The following DGKI variants were observed in gnomAD, a reference collection of about 807,000 sequenced individuals.
DGKI encodes DAG kinase iota.
DGKI carries 55 observed loss-of-function variants against 147.5 expected under a neutral mutation model. The observed-to-expected ratio is 0.37, with a 90% CI of 0.30 to 0.47. DGKI has a LOEUF of 0.47. Among genes scored for constraint, DGKI ranks in the 20% least tolerant of loss-of-function variants. DGKI has a pLI of 1.00. For missense variants in DGKI, 1,007 were observed against 1,323.8 expected (o/e 0.76, Z 3.71); for synonymous variants, 469 against 477.1 (o/e 0.98, Z 0.22).
chr7:137,645,837 T>C (rs1175632416), intron 5 of DGKI, among the ~76,000 whole-genome samples: 2 of 152,222 alleles, frequency 1.3e-5, no homozygotes, highest in Non-Finnish European at 2.9e-5. Context: ...AAACAAATAT[T>C]TATGGGTATG....
At chr7:137,640,693 C>T (rs1448028520) in intron 6 of DGKI, among the ~76,000 whole-genome samples, 1 of 152,110 alleles carries the variant, frequency 6.6e-6, no homozygotes, top group Admixed American at 6.5e-5. Context: ...ACTCTGTAAT[C>T]CCTTTCACTA....
At chr7:137,414,087 G>A (rs1812265641) in intron 28 of DGKI, among the ~76,000 whole-genome samples, 1 of 152,176 alleles carries the variant, frequency 6.6e-6, no homozygotes, top group Non-Finnish European at 1.5e-5. Flanking sequence ...CAAAAGTGCT[G>A]TATCATGCAT....
At position 137,784,566 on chromosome 7, in the gene DGKI, C is replaced by T. The variant is rs149421189; in HGVS notation, c.401+61896G>A. ...CCACTGACAGCACTAGACAGGTCAT[C>T]AAGATCGAAAATGAACAAAGAAACA... On this transcript the variant is annotated intron_variant, in intron 1 of 32. Coordinates refer to ENST00000614521, the MANE Select transcript of DGKI (RefSeq NM_001321708.2). 5.6e-3 allele frequency among the ~76,000 whole-genome samples: 850 copies of T among 152,190 alleles called. 4 individuals are homozygous for T. The highest frequency in any genetic ancestry group is 0.027 in the Middle Eastern group (8 of 294).
intron 20 of DGKI, among the ~76,000 whole-genome samples, chr7:137,524,762 T>C (rs1390638425): frequency 6.6e-6 from 1 of 152,136 alleles, no homozygotes; most frequent in Non-Finnish European, 1.5e-5. Context: ...TAAGCAATTA[T>C]TTGAGATCAT....
At chr7:137,760,838 T>TA (rs1484453161) in intron 1 of DGKI, among the ~76,000 whole-genome samples, 1 of 152,196 alleles carries the variant, frequency 6.6e-6, no homozygotes, top group African/African-American at 2.4e-5. Flanking sequence ...CTTGCATCCT[T>TA]ATGTCATATC....
At chr7:137,638,525 T>TAC (rs758902149) in intron 6 of DGKI, among the ~76,000 whole-genome samples, 2 of 105,690 alleles carry the variant, frequency 1.9e-5, no homozygotes, top group East Asian at 3.1e-4. Context: ...TGTATATATA[T>TAC]ACACACACAT....
At chr7:137,432,395 T>C (rs1813113572) in intron 28 of DGKI, among the ~76,000 whole-genome samples, 1 of 152,216 alleles carries the variant, frequency 6.6e-6, no homozygotes, top group Admixed American at 6.5e-5. Context: ...ATGAGGTCTA[T>C]TTATAAAAAA....
intron 23 of DGKI, among the ~76,000 whole-genome samples, chr7:137,479,347 T>C (rs971812294): frequency 6.6e-6 from 1 of 152,180 alleles, no homozygotes; most frequent in Non-Finnish European, 1.5e-5. Flanking sequence ...TCTCTTATGA[T>C]ATATATTAAT....
At chr7:137,585,735 A>G (rs1819370590) in intron 13 of DGKI, among the ~76,000 whole-genome samples, 1 of 152,132 alleles carries the variant, frequency 6.6e-6, no homozygotes, top group African/African-American at 2.4e-5. Flanking sequence ...GGAAAGAATC[A>G]AGGAGGGATT....
intron 1 of DGKI, among the ~76,000 whole-genome samples, chr7:137,801,758 A>T (rs1797217906): frequency 1.3e-5 from 2 of 152,044 alleles, no homozygotes; most frequent in African/African-American, 4.8e-5. Flanking sequence ...GGGAGAGAGG[A>T]TTAGTAAATG....
chr7:137,743,439 C>T (rs115364861), intron 1 of DGKI, among the ~76,000 whole-genome samples: 2 of 152,048 alleles, frequency 1.3e-5, no homozygotes, highest in Non-Finnish European at 1.5e-5. Context: ...TCTTCTTGGA[C>T]CATAGAGGGA....
intron 24 of DGKI, among the ~76,000 whole-genome samples, chr7:137,467,654 G>GA (rs1317850635): frequency 3.3e-5 from 5 of 151,976 alleles, no homozygotes; most frequent in South Asian, 2.1e-4. Flanking sequence ...TATGGTATGC[G>GA]AAAAAAATCT....
intron 23 of DGKI, among the ~76,000 whole-genome samples, chr7:137,482,786 C>A (rs982577233): frequency 6.6e-6 from 1 of 152,004 alleles, no homozygotes; most frequent in Admixed American, 6.6e-5. Context: ...GTTTAATGAG[C>A]AAATTCTGGG....
chr7:137,643,085 A>C (rs1821696876), intron 6 of DGKI, among the ~76,000 whole-genome samples: 1 of 151,576 alleles, frequency 6.6e-6, no homozygotes, highest in Admixed American at 6.6e-5. Context: ...AGGTCAGGAG[A>C]TCGAGACCAT....
At chr7:137,687,514 A>G (rs947082870) in intron 2 of DGKI, among the ~76,000 whole-genome samples, 2 of 152,192 alleles carry the variant, frequency 1.3e-5, no homozygotes, top group African/African-American at 4.8e-5. Context: ...GGCTCCTTGA[A>G]CAGAAGAGCA....
chr7:137,446,895 G>T (rs781057892), intron 27 of DGKI, among the ~76,000 whole-genome samples: 26 of 152,094 alleles, frequency 1.7e-4, no homozygotes, highest in Middle Eastern at 3.2e-3. Flanking sequence ...AAAGCCCTCT[G>T]GTTATTCTTT....
intron 1 of DGKI, among the ~76,000 whole-genome samples, chr7:137,704,635 G>A (rs1261660027): frequency 1.3e-5 from 2 of 152,002 alleles, no homozygotes; most frequent in African/African-American, 2.4e-5. Flanking sequence ...AATCTTGAGG[G>A]GGAAGAAAAA....
rs1416074770 is a variant in DGKI, at chr7:137,841,453, T to G, written c.401+5009A>C. On this transcript the variant is annotated intron_variant, in intron 1 of 32. Coordinates refer to ENST00000614521, the MANE Select transcript of DGKI (RefSeq NM_001321708.2). ...GATTTCATTTTACTTCTGACCTTTC[T>G]TTCAAAGTTATCCACTGTAAGAAAA... Among the ~76,000 whole-genome samples the G allele has an allele frequency of 2.0e-5, 3 of 152,346 alleles. No individual in the cohort carries two copies. The East Asian group carries it at 5.8e-4, about 29-fold the overall frequency.
intron 1 of DGKI, among the ~76,000 whole-genome samples, chr7:137,791,878 T>G (rs1458841735): frequency 6.6e-6 from 1 of 152,216 alleles, no homozygotes; most frequent in African/African-American, 2.4e-5. Flanking sequence ...TGTCTAGAGA[T>G]TAAGTCTTAT....
Sources: allele counts gnomAD v4.1 joint callset (sites outside exome capture counted in the v4.1 genomes callset), GRCh38; gene constraint gnomAD v4.1.1; transcripts MANE v1.5; gene names NCBI Gene and HGNC (gene_info 2026-07-23, HGNC 2026-07-21).